Variants in NEDD1 observed in about 807,000 individuals in gnomAD.
NEDD1 encodes the protein protein NEDD1.
NEDD1 carries 33 observed loss-of-function variants against 74.0 expected under a neutral mutation model. The observed-to-expected ratio is 0.45, with a 90% confidence interval of 0.34 to 0.60. NEDD1 has a LOEUF of 0.60. NEDD1 is among the 20% of genes least tolerant of loss of function. NEDD1 has a pLI of 0.01. For missense variants in NEDD1, 746 were observed against 776.5 expected, an observed-to-expected ratio of 0.96 and a Z score of 0.47; for synonymous variants, 250 against 264.4, an observed-to-expected ratio of 0.95 and a Z score of 0.53.
chr12:96,945,870 CCTT>C lies in NEDD1; in HGVS notation c.1811+24_1811+26del, dbSNP rs763313384. On this transcript the variant is annotated intron_variant, in intron 14 of 15. Coordinates refer to ENST00000266742, the MANE Select transcript of NEDD1 (RefSeq NM_152905.4). The stretch of plus-strand genomic sequence containing the variant: ...TTTAGGTAGTAATTGAGAAACTACT[CCTT>C]CTATCTAGACCTTACTTGTTTTTTT... 3.5e-5 allele frequency: 53 copies of C among 1,515,638 alleles called. 2 individuals carry two copies. In the South Asian group the frequency reaches 6.0e-4, roughly 17 times the overall value. The allele number at this position is 1,515,638 out of a possible 1,614,324, so 93.9% of individuals were successfully genotyped here. A position where few individuals can be genotyped will look rare whatever the true frequency, so the allele number is the denominator to read the frequency against.
intron 6 of NEDD1, among the ~76,000 whole-genome samples, chr12:96,928,582 C>A (rs1259336895): frequency 6.7e-6 from 1 of 149,690 alleles, no homozygotes; most frequent in Admixed American, 6.7e-5. Context: ...CTAGGTTATT[C>A]AAAGGAATTT....
intron 6 of NEDD1, among the ~76,000 whole-genome samples, chr12:96,934,052 A>G (rs1876828039): frequency 6.6e-6 from 1 of 152,188 alleles, no homozygotes; most frequent in Non-Finnish European, 1.5e-5. Flanking sequence ...GATATAGTCC[A>G]TCCCCAGTCT....
chr12:96,910,466 C>G (rs897159548), intron 3 of NEDD1, among the ~76,000 whole-genome samples: 1 of 152,134 alleles, frequency 6.6e-6, no homozygotes, highest in Non-Finnish European at 1.5e-5. Flanking sequence ...TTGAACTTTT[C>G]TAAGCTTTTT....
intron 6 of NEDD1, among the ~76,000 whole-genome samples, chr12:96,930,807 T>C (rs1876377046): frequency 2.0e-5 from 3 of 152,126 alleles, no homozygotes. Flanking sequence ...GGCCTGCTTT[T>C]CTACATACAC....
intron 14 of NEDD1, among the ~76,000 whole-genome samples, chr12:96,947,738 T>A (rs182927485): frequency 1.0e-3 from 158 of 152,314 alleles, no homozygotes; most frequent in Middle Eastern, 3.4e-3. Context: ...GAGCTTGTTT[T>A]TCACTATCTA....
chr12:96,929,355 A>AT (rs1422852281), intron 6 of NEDD1, among the ~76,000 whole-genome samples: 4 of 35,184 alleles, frequency 1.1e-4, no homozygotes, highest in South Asian at 2.2e-3. Context: ...AATGTCTTGT[A>AT]TTTTTTTTTT....
rs114853873 is a variant in NEDD1 at position 96,931,786 on chromosome 12, A to G, written c.490-3190A>G. On this transcript the variant is annotated intron_variant, in intron 6 of 15. Transcript: ENST00000266742. ...ATTCCAGGTTTTCTGTTGATACTCT[A>G]CTGAATACACAGAAGCATACATACA... is the stretch of plus-strand genomic sequence containing the variant. Among the ~76,000 whole-genome samples the G allele has an allele frequency of 1.8e-3, 268 of 152,324 alleles. 3 individuals carry two copies. Among genetic ancestry groups the G allele is most frequent in the African/African-American group, 6.1e-3 (255 of 41,586 alleles).
chr12:96,915,296 T>C (rs976395321), intron 4 of NEDD1, among the ~76,000 whole-genome samples: 1 of 152,192 alleles, frequency 6.6e-6, no homozygotes, highest in Non-Finnish European at 1.5e-5. Context: ...TGGATCCATG[T>C]GGAAGAAAGA....
chr12:96,946,421 T>G (rs939985211), intron 14 of NEDD1, among the ~76,000 whole-genome samples: 3 of 152,178 alleles, frequency 2.0e-5, no homozygotes, highest in Admixed American at 6.6e-5. Flanking sequence ...TTAAAATCAT[T>G]GGTGCCTTTT....
chr12:96,948,729 G>T (rs1433960067), intron 14 of NEDD1, among the ~76,000 whole-genome samples: 2 of 152,110 alleles, frequency 1.3e-5, no homozygotes, highest in African/African-American at 4.8e-5. Flanking sequence ...GGTTTTCTTA[G>T]CACTAGTTTG....
intron 1 of NEDD1, 96 bp downstream of exon 1, chr12:96,907,396 G>A (rs1178198473): frequency 1.5e-5 from 7 of 479,006 alleles, no homozygotes; most frequent in East Asian, 3.6e-5. Context: ...CTCAGAGGGC[G>A]GGGCGGCGGT....
rs911524768 is a variant in NEDD1 at position 96,907,749 on chromosome 12, C to G, written c.-116C>G. On this transcript the variant is annotated 5_prime_UTR_variant, in exon 2 of 16. Coordinates refer to ENST00000266742, the MANE Select transcript of NEDD1 (RefSeq NM_152905.4). ...TTCCTGTAGCCGCTGTCCCTAAACC[C>G]AGGCCGACGTTACCGCCTTGTGTCC... 2.6e-6 allele frequency: 4 copies of G among 1,540,904 alleles called. No homozygotes were observed. Among genetic ancestry groups the G allele is most frequent in the Admixed American group, 4.0e-5 (2 of 50,424 alleles).
In NEDD1 at chr12:96,942,715, TA is replaced by T. The variant is rs982308673; in HGVS notation, c.1294+98del. On this transcript the variant is annotated intron_variant, in intron 11 of 15. Transcript: ENST00000266742. ...CAAATCTCTCCAACACTTTGAGGCTTAAAAAAATAAACATTTATCGTCTCAT... is the reference window on the plus strand; with the variant it reads ...CAAATCTCTCCAACACTTTGAGGCTTAAAAAATAAACATTTATCGTCTCAT... The T allele has an allele frequency of 4.1e-5, 29 of 708,338 alleles. No homozygotes were observed. The Admixed American group carries it at 5.2e-4, about 13-fold the overall frequency. The allele number at this position is 708,338 out of a possible 1,614,324, so 43.9% of individuals were successfully genotyped here. A position where few individuals can be genotyped will look rare whatever the true frequency, so the allele number is the denominator to read the frequency against.
At chr12:96,938,375 G>A (rs1422423527) in intron 9 of NEDD1, among the ~76,000 whole-genome samples, 1 of 151,950 alleles carries the variant, frequency 6.6e-6, no homozygotes, top group Admixed American at 6.6e-5. Flanking sequence ...ATATAACTTT[G>A]AGTAATGTCT....
intron 2 of NEDD1, among the ~76,000 whole-genome samples, chr12:96,908,513 C>T (rs557273605): frequency 2.1e-4 from 32 of 152,280 alleles, no homozygotes; most frequent in Non-Finnish European, 3.7e-4. Context: ...TCATTACTAC[C>T]TGTTGCTCTT....
At chr12:96,930,451 T>A (rs1876330707) in intron 6 of NEDD1, among the ~76,000 whole-genome samples, 2 of 151,936 alleles carry the variant, frequency 1.3e-5, no homozygotes, top group African/African-American at 4.8e-5. Flanking sequence ...TCTCCTAGAG[T>A]AGATGTGCTT....
chr12:96,937,603 G>A (rs912810961), intron 9 of NEDD1, among the ~76,000 whole-genome samples: 14 of 152,002 alleles, frequency 9.2e-5, no homozygotes, highest in African/African-American at 2.9e-4. Flanking sequence ...GGCCCTTATT[G>A]TTTAGCTAAA....
intron 6 of NEDD1, among the ~76,000 whole-genome samples, chr12:96,933,128 G>A (rs185544374): frequency 6.6e-6 from 1 of 151,766 alleles, no homozygotes; most frequent in East Asian, 2.0e-4. Context: ...AAAGACAGTG[G>A]TAAGCTCCTT....
At chr12:96,930,232 C>CTG (rs1442810200) in intron 6 of NEDD1, among the ~76,000 whole-genome samples, 13 of 151,492 alleles carry the variant, frequency 8.6e-5, no homozygotes, top group African/African-American at 3.2e-4. Context: ...CTCTCTCTCT[C>CTG]TCTCTCTCTC....
Sources: gnomAD v4.1 joint callset for allele counts (sites outside exome capture counted in the v4.1 genomes callset) on GRCh38, gnomAD v4.1.1 for gene constraint, MANE v1.5 for transcripts, NCBI Gene and HGNC (gene_info 2026-07-23, HGNC 2026-07-21) for gene names.